TTC28: variants seen among roughly 807,000 people sequenced by gnomAD.
TTC28 encodes tetratricopeptide repeat domain 28.
TTC28 carries 61 observed loss-of-function variants against 198.0 expected under a neutral mutation model. The ratio of observed to expected loss-of-function variants is 0.31; its 90% CI spans 0.25 to 0.38. The LOEUF is 0.38. Among genes scored for constraint, TTC28 ranks in the 10% least tolerant of loss-of-function variants. The pLI, the probability that TTC28 is intolerant of heterozygous loss-of-function variation, is 1.00. For missense variants in TTC28, 2,678 were observed against 3,164.0 expected (o/e 0.85, Z 3.69); for synonymous variants, 1,171 against 1,297.8 (o/e 0.90, Z 2.10).
chr22:28,026,255 C>T (rs1200579695), intron 13 of TTC28, among the ~76,000 whole-genome samples: 2 of 152,174 alleles, frequency 1.3e-5, no homozygotes, highest in Non-Finnish European at 2.9e-5. Context: ...GCAGCTCTGG[C>T]TCTCCCAGAA....
chr22:28,031,418 G>A (rs1031026695), intron 12 of TTC28, among the ~76,000 whole-genome samples: 50 of 152,210 alleles, frequency 3.3e-4, no homozygotes, highest in African/African-American at 1.1e-3. Flanking sequence ...ACTAAGGACC[G>A]GTGTGAAGAA....
chr22:28,179,560 T>G (rs560890625), intron 5 of TTC28, among the ~76,000 whole-genome samples: 2 of 152,354 alleles, frequency 1.3e-5, no homozygotes, highest in Admixed American at 1.3e-4. Flanking sequence ...TGGGCAGCTA[T>G]GTGACCTGCT....
chr22:28,470,046 G>A (rs560731643), intron 2 of TTC28, among the ~76,000 whole-genome samples: 1 of 151,980 alleles, frequency 6.6e-6, no homozygotes, highest in East Asian at 1.9e-4. Flanking sequence ...GTCTTGCTAT[G>A]TTGCCCAAGC....
intron 2 of TTC28, among the ~76,000 whole-genome samples, chr22:28,595,819 G>C (rs2050530770): frequency 6.6e-6 from 1 of 152,190 alleles, no homozygotes; most frequent in Non-Finnish European, 1.5e-5. Context: ...AGCTACTCGG[G>C]AGGCTGAGGC....
chr22:28,372,368 A>T (rs771984518), intron 2 of TTC28, among the ~76,000 whole-genome samples: 13 of 152,194 alleles, frequency 8.5e-5, no homozygotes, highest in Non-Finnish European at 1.2e-4. Flanking sequence ...CCACGCACAT[A>T]ATTACAGAAC....
chr22:27,983,034 G>C lies in TTC28; in HGVS notation c.6633C>G (p.Thr2211=). 1.9e-6 allele frequency: 3 copies of C among 1,551,722 alleles called. No individual in the cohort carries two copies. Among genetic ancestry groups the C allele is most frequent in the Non-Finnish European group, 2.6e-6 (3 of 1,147,004 alleles). Reference sequence around the variant, plus strand: ...AGAGAACAGGCCTGCTGAACGCACTGGTTTCTGACGCTCTGAAGACAGCAG... The same window carrying C: ...AGAGAACAGGCCTGCTGAACGCACTCGTTTCTGACGCTCTGAAGACAGCAG... The part of the protein sequence containing the change: ...SSTAVFRASE[T]SAFSRPVLSH... The change falls in exon 23 of 23, where the codon ACC becomes ACG. Residue 2211 remains threonine (T), a synonymous_variant. Coordinates refer to ENST00000397906, the MANE Select transcript of TTC28 (RefSeq NM_001145418.2).
chr22:28,205,744 C>A (rs1926347785), intron 5 of TTC28, among the ~76,000 whole-genome samples: 6 of 152,054 alleles, frequency 3.9e-5, no homozygotes, highest in Admixed American at 3.9e-4. Flanking sequence ...AAGGAGCCCA[C>A]ATAAACACAA....
At chr22:28,293,208 T>C (rs906311866) in intron 5 of TTC28, among the ~76,000 whole-genome samples, 1 of 152,092 alleles carries the variant, frequency 6.6e-6, no homozygotes, top group African/African-American at 2.4e-5. Flanking sequence ...ACAACCTAAG[T>C]ATCTATCAAG....
At chr22:28,198,449 T>G (rs994696287) in intron 5 of TTC28, among the ~76,000 whole-genome samples, 3 of 152,126 alleles carry the variant, frequency 2.0e-5, no homozygotes, top group Admixed American at 2.0e-4. Context: ...ATTATAAAAA[T>G]GTTAAATGCT....
At chr22:28,554,118 G>GTTAA (rs2049748727) in intron 2 of TTC28, among the ~76,000 whole-genome samples, 2 of 152,154 alleles carry the variant, frequency 1.3e-5, no homozygotes, top group African/African-American at 2.4e-5. Flanking sequence ...TCCACTCAGG[G>GTTAA]TTAAATGGAT....
intron 5 of TTC28, among the ~76,000 whole-genome samples, chr22:28,164,093 G>T (rs1015038420): frequency 3.3e-5 from 5 of 152,208 alleles, no homozygotes; most frequent in Admixed American, 2.0e-4. Context: ...AGCGAGGCTG[G>T]GGGAGGGGCG....
intron 2 of TTC28, among the ~76,000 whole-genome samples, chr22:28,614,824 C>T (rs2050875232): frequency 6.6e-6 from 1 of 152,098 alleles, no homozygotes; most frequent in Non-Finnish European, 1.5e-5. Flanking sequence ...AACCTAAGAC[C>T]TAAAACCATA....
chr22:28,535,923 G>A (rs934072064), intron 2 of TTC28, among the ~76,000 whole-genome samples: 21 of 151,952 alleles, frequency 1.4e-4, no homozygotes, highest in Admixed American at 9.8e-4. Flanking sequence ...TTAAAAAAAA[G>A]ACCTAGGCCA....
intron 5 of TTC28, among the ~76,000 whole-genome samples, chr22:28,260,548 A>C (rs1262194543): frequency 1.3e-5 from 2 of 152,294 alleles, no homozygotes; most frequent in East Asian, 3.9e-4. Context: ...AAAGACAAAA[A>C]ATAGAACTCA....
At chr22:28,386,854 T>C (rs1023472436) in intron 2 of TTC28, among the ~76,000 whole-genome samples, 6 of 152,172 alleles carry the variant, frequency 3.9e-5, no homozygotes, top group Non-Finnish European at 7.3e-5. Flanking sequence ...TAAGTTATTA[T>C]TATTATACTT....
intron 5 of TTC28, among the ~76,000 whole-genome samples, chr22:28,258,673 G>A (rs993743148): frequency 6.6e-6 from 1 of 151,900 alleles, no homozygotes; most frequent in African/African-American, 2.4e-5. Flanking sequence ...TACAGAAGAG[G>A]GAATTCAAAG....
intron 2 of TTC28, among the ~76,000 whole-genome samples, chr22:28,412,989 G>C (rs1463262870): frequency 6.6e-6 from 1 of 151,996 alleles, no homozygotes; most frequent in Admixed American, 6.5e-5. Context: ...CTAGAGTTCC[G>C]TAACTTTTTA....
At chr22:28,635,600 T>C (rs995844886) in intron 1 of TTC28, among the ~76,000 whole-genome samples, 2 of 152,162 alleles carry the variant, frequency 1.3e-5, no homozygotes, top group Non-Finnish European at 2.9e-5. Flanking sequence ...GCTCAATATA[T>C]GCAGCCACAT....
chr22:28,419,050 G>A (rs1159277837), intron 2 of TTC28, among the ~76,000 whole-genome samples: 1 of 152,088 alleles, frequency 6.6e-6, no homozygotes, highest in East Asian at 1.9e-4. Flanking sequence ...CCTAGGCCTA[G>A]ATTATTATAA....
Sources: gnomAD v4.1 joint callset for allele counts (sites outside exome capture counted in the v4.1 genomes callset) on GRCh38, gnomAD v4.1.1 for gene constraint, MANE v1.5 for transcripts, NCBI Gene and HGNC (gene_info 2026-07-23, HGNC 2026-07-21) for gene names.